The following B3GAT1 variants were observed in gnomAD, a reference collection of about 807,000 sequenced individuals.
The protein encoded by B3GAT1 is galactosylgalactosylxylosylprotein 3-beta-glucuronosyltransferase 1.
A neutral mutation model predicts 28.4 loss-of-function variants in B3GAT1; 11 were observed. The observed-to-expected ratio is 0.39, with a 90% CI of 0.24 to 0.64. The LOEUF (loss-of-function observed/expected upper bound fraction) is 0.64, where lower values mean the gene tolerates loss of function less well. Ranked by LOEUF, B3GAT1 falls within the 30% of genes least tolerant of loss-of-function variation. The pLI is 0.50. For missense variants in B3GAT1, 375 were observed against 491.0 expected, an observed-to-expected ratio of 0.76 and a Z score of 2.23; for synonymous variants, 255 against 223.1, an observed-to-expected ratio of 1.14 and a Z score of -1.27.
intron 1 of B3GAT1, among the ~76,000 whole-genome samples, chr11:134,394,841 G>A (rs1161869975): frequency 6.6e-6 from 1 of 152,228 alleles, no homozygotes; most frequent in Non-Finnish European, 1.5e-5. Flanking sequence ...TCACGCTTTG[G>A]TTTTCTTCCA....
intron 1 of B3GAT1, among the ~76,000 whole-genome samples, chr11:134,410,363 C>T (rs908374483): frequency 7.2e-5 from 11 of 152,236 alleles, no homozygotes; most frequent in Non-Finnish European, 1.6e-4. Flanking sequence ...CTCCTGGCTC[C>T]AGTGCTGAAT....
intron 1 of B3GAT1, among the ~76,000 whole-genome samples, chr11:134,403,404 C>G (rs1351421067): frequency 6.6e-6 from 1 of 152,198 alleles, no homozygotes; most frequent in Non-Finnish European, 1.5e-5. Context: ...CAGGACCAGG[C>G]CAGGTACACT....
At chr11:134,382,091 C>T in intron 4 of B3GAT1, 67 bp from the exon 5 acceptor site, 1 of 1,293,136 alleles carries the variant, frequency 7.7e-7, no homozygotes. Flanking sequence ...CCTCCCTGCT[C>T]CCTCCCACAC....
At chr11:134,383,624 C>G in intron 3 of B3GAT1, 56 bp downstream of exon 3, 1 of 1,459,212 alleles carries the variant, frequency 6.9e-7, no homozygotes, top group African/African-American at 1.4e-5. Flanking sequence ...TCTCGGGAAG[C>G]CCCTCCACTC....
chr11:134,395,612 G>A (rs1305917921), intron 1 of B3GAT1, among the ~76,000 whole-genome samples: 1 of 152,002 alleles, frequency 6.6e-6, no homozygotes, highest in Admixed American at 6.5e-5. Context: ...GCCCAGCCTG[G>A]GATTGGGGGA....
chr11:134,404,013 ATATATATATATATATATT>A (rs1565459347), intron 1 of B3GAT1, among the ~76,000 whole-genome samples: 3 of 120,008 alleles, frequency 2.5e-5, no homozygotes, highest in South Asian at 2.9e-4. Flanking sequence ...ATATATATAT[ATATATATATATATATATT>A]TATTATACGT....
At chr11:134,389,730 C>G (rs1047451560) in intron 1 of B3GAT1, 3 of 152,322 alleles carry the variant, frequency 2.0e-5, no homozygotes, top group African/African-American at 7.2e-5. Context: ...GGCCATGCTG[C>G]CTGCTCCTGC....
chr11:134,398,461 T>C (rs963957886), intron 1 of B3GAT1, among the ~76,000 whole-genome samples: 25 of 150,804 alleles, frequency 1.7e-4, no homozygotes. Flanking sequence ...ACACAACAGC[T>C]CACACGCAGT....
intron 1 of B3GAT1, among the ~76,000 whole-genome samples, chr11:134,403,041 C>T (rs1944652682): frequency 6.6e-6 from 1 of 152,162 alleles, no homozygotes; most frequent in Non-Finnish European, 1.5e-5. Flanking sequence ...CCGCGGTCCT[C>T]AGTCTCAGTG....
chr11:134,382,306 A>AGT (rs3065400), intron 4 of B3GAT1, among the ~76,000 whole-genome samples: 46,907 of 151,906 alleles, frequency 0.31, 7,348 homozygotes, highest in African/African-American at 0.33. Context: ...AGACTTCCCA[A>AGT]GTGTGTGTGT....
At position 134,412,083 on chromosome 11, in the gene B3GAT1, A is replaced by AGGCGGGG. The variant is rs1179426954; in HGVS notation, c.-565_-559dup. Among the ~76,000 whole-genome samples the AGGCGGGG allele has an allele frequency of 4.2e-4, 8 of 19,172 alleles. No homozygotes were observed. The highest frequency in any genetic ancestry group is 5.9e-4 in the Admixed American group (1 of 1,694). 12.6% of individuals were successfully genotyped at this position (19,172 alleles called of 152,430 possible). On this transcript the variant is annotated 5_prime_UTR_variant, in exon 1 of 6. Transcript: ENST00000312527. ...CGCGGGAGGGAGGGCGCGGGCAGGG[A>AGGCGGGG]GGCGGGGGGCGGGGGGCGGGGAGGG...
At chr11:134,403,546 A>G (rs1364472086) in intron 1 of B3GAT1, among the ~76,000 whole-genome samples, 1 of 152,108 alleles carries the variant, frequency 6.6e-6, no homozygotes, top group Non-Finnish European at 1.5e-5. Context: ...TGCTCCCATG[A>G]CACTGTGACA....
At chr11:134,407,550 T>C (rs1463624835) in intron 1 of B3GAT1, among the ~76,000 whole-genome samples, 1 of 152,222 alleles carries the variant, frequency 6.6e-6, no homozygotes, top group Non-Finnish European at 1.5e-5. Context: ...TCCAGTCAAC[T>C]CTTGATCCAG....
rs374452756 is a variant in B3GAT1 at position 134,382,042 on chromosome 11, C to T, written c.919-18G>A. ...ACCAGGATCTGTGTGCCCAGAGATG[C>T]AAAACATGGTGGGACAGGCCCCTGA... On this transcript the variant is annotated intron_variant, in intron 4 of 5. Coordinates refer to ENST00000312527, the MANE Select transcript of B3GAT1 (RefSeq NM_054025.3). 4.4e-5 allele frequency: 71 copies of T among 1,612,928 alleles called. No homozygotes were observed. The highest frequency in any genetic ancestry group is 5.9e-5 in the Non-Finnish European group (70 of 1,179,228).
At chr11:134,407,220 A>T (rs1302385643) in intron 1 of B3GAT1, among the ~76,000 whole-genome samples, 1 of 152,236 alleles carries the variant, frequency 6.6e-6, no homozygotes, top group East Asian at 1.9e-4. Flanking sequence ...CCCAGGGTTC[A>T]AAGAGAGACT....
At chr11:134,387,254 C>T in intron 2 of B3GAT1, 2 of 356,750 alleles carry the variant, frequency 5.6e-6, no homozygotes, top group East Asian at 1.0e-4. Flanking sequence ...CTCAGCACTT[C>T]CCCAGGGGGC....
At chr11:134,382,574 C>G (rs112164035) in intron 4 of B3GAT1, 136 bp downstream of exon 4, 1 of 1,088,244 alleles carries the variant, frequency 9.2e-7, no homozygotes, top group Non-Finnish European at 1.3e-6. Context: ...ACAGGTGATA[C>G]ACTGCCTTCC....
intron 2 of B3GAT1, 123 bp from the exon 3 acceptor site, chr11:134,384,311 A>C: frequency 7.7e-7 from 1 of 1,293,874 alleles, no homozygotes; most frequent in East Asian, 2.6e-5. Flanking sequence ...GGCTGCTCAG[A>C]CCCCCGCCTT....
At position 134,383,674 on chromosome 11, in the gene B3GAT1, C is replaced by T. The variant is rs1459050567; in HGVS notation, c.621+6G>A. The T allele has an allele frequency of 6.4e-7, 1 of 1,558,654 alleles. No homozygotes were observed. Among genetic ancestry groups the T allele is most frequent in the African/African-American group, 1.4e-5 (1 of 73,762 alleles). On this transcript the variant is annotated splice_donor_region_variant and intron_variant, in intron 3 of 5. Coordinates refer to ENST00000312527, the MANE Select transcript of B3GAT1 (RefSeq NM_054025.3). ...TCCCGCTGCTCACTGTCGGGCCCTC[C>T]CTCACCTCTTCGAAGAGCTCCAGGC...
Sources: gnomAD v4.1 joint callset for allele counts (sites outside exome capture counted in the v4.1 genomes callset) on GRCh38, gnomAD v4.1.1 for gene constraint, MANE v1.5 for transcripts, NCBI Gene and HGNC (gene_info 2026-07-23, HGNC 2026-07-21) for gene names.